The following ZAP70 variants were observed in gnomAD, a reference collection of about 807,000 sequenced individuals.
The protein encoded by ZAP70 is tyrosine-protein kinase ZAP-70.
Under a neutral mutation model 65.8 loss-of-function variants are expected in ZAP70, and 27 were observed. The observed-to-expected ratio is 0.41, with a 90% CI of 0.30 to 0.57. The LOEUF is 0.57. ZAP70 is among the 20% of genes least tolerant of loss of function. The pLI is 0.28. For synonymous variants in ZAP70, 363 were observed against 360.8 expected, an observed-to-expected ratio of 1.01 and a Z score of -0.07; for missense variants, 696 against 870.5, an observed-to-expected ratio of 0.80 and a Z score of 2.52.
chr2:97,738,200 C>A, intron 13 of ZAP70, 93 bp downstream of exon 13: 2 of 1,259,698 alleles, frequency 1.6e-6, no homozygotes, highest in South Asian at 1.3e-5. Context: ...TACCCAATGT[C>A]ATCTCACCCA....
chr2:97,742,846 AT>A (rs1678163708), downstream of ZAP70, among the ~76,000 whole-genome samples: 1 of 152,214 alleles, frequency 6.6e-6, no homozygotes, highest in African/African-American at 2.4e-5. Flanking sequence ...CATGCCCACT[AT>A]CCCAAGGCCA....
At chr2:97,739,297 A>T (rs1678044553) in intron 13 of ZAP70, 78 bp from the exon 14 acceptor site, 2 of 1,591,010 alleles carry the variant, frequency 1.3e-6, no homozygotes, top group East Asian at 4.5e-5. Context: ...TCAGCCAAGC[A>T]CAGTGCATGC....
At chr2:97,734,804 T>C (rs1677783040) in intron 9 of ZAP70, 92 bp downstream of exon 9, 2 of 1,526,792 alleles carry the variant, frequency 1.3e-6, no homozygotes, top group South Asian at 1.1e-5. Flanking sequence ...GGGATGTCTG[T>C]CTCACAGCAG....
intron 1 of ZAP70, 112 bp from the exon 2 acceptor site, chr2:97,713,804 C>T (rs1426016738): frequency 6.6e-6 from 1 of 152,170 alleles, no homozygotes; most frequent in African/African-American, 2.4e-5. Context: ...GTGTGACATC[C>T]TCCCCCGGGG....
intron 3 of ZAP70, chr2:97,724,684 G>A (rs1000618778): frequency 1.1e-5 from 17 of 1,524,064 alleles, no homozygotes; most frequent in Non-Finnish European, 1.4e-5. Context: ...CAGATGGGAA[G>A]GTAGAGGGAC....
chr2:97,738,035 G>T lies in ZAP70; in HGVS notation c.1664G>T (p.Gly555Val). 1 of 1,613,026 alleles carries T rather than the reference G, an allele frequency of 6.2e-7. No individual in the cohort carries two copies. The highest frequency in any genetic ancestry group is 8.5e-7 in the Non-Finnish European group (1 of 1,179,426). ...GAGGTCATGGCCTTCATCGAGCAGG[G>T]CAAGCGGATGGAGTGCCCACCAGAG... ...GPEVMAFIEQ[G>V]KRMECPPECP... is the part of the protein sequence containing the mutation. The change falls in exon 13 of 14, where the codon GGC becomes GTC. Residue 555 changes from glycine to valine, a missense_variant. By Grantham distance (109) the Gly-to-Val change is moderately radical. Around this residue, in one of 3 missense-constraint regions of ZAP70, gnomAD observed 78 missense variants for 88.6 expected, o/e 0.88. Coordinates refer to ENST00000264972, the MANE Select transcript of ZAP70 (RefSeq NM_001079.4).
the ZAP70 span, among the ~76,000 whole-genome samples, chr2:97,753,916 A>G: frequency 6.6e-6 from 1 of 152,152 alleles, no homozygotes; most frequent in Non-Finnish European, 1.5e-5. Context: ...TTGGGCCTGG[A>G]AGTTCAGGGC....
chr2:97,748,349 T>G, the ZAP70 span, among the ~76,000 whole-genome samples: 1 of 152,240 alleles, frequency 6.6e-6, no homozygotes, highest in East Asian at 1.9e-4. Flanking sequence ...AAGCAGGTTT[T>G]CTTTGATCAA....
At chr2:97,726,995 C>T (rs934363777) in intron 4 of ZAP70, among the ~76,000 whole-genome samples, 6 of 152,202 alleles carry the variant, frequency 3.9e-5, no homozygotes, top group African/African-American at 1.4e-4. Flanking sequence ...GGGATGGCCA[C>T]ACTCACATGA....
intron 4 of ZAP70, among the ~76,000 whole-genome samples, chr2:97,730,437 T>C (rs1573273741): frequency 6.6e-6 from 1 of 152,166 alleles, no homozygotes; most frequent in Non-Finnish European, 1.5e-5. Context: ...TGGCCACTCA[T>C]GTAGGGTGCC....
Position 97,731,883 on chromosome 2 carries a change from GCCTCCACAGCTTCCACGGGGCCAGCTGC to G in ZAP70, c.564-994_564-967del, listed in dbSNP as rs1677624207. 6.6e-6 allele frequency among the ~76,000 whole-genome samples: 1 copy of G among 152,066 alleles called. No homozygotes were observed. Among genetic ancestry groups the G allele is most frequent in the Non-Finnish European group, 1.5e-5 (1 of 68,010 alleles). On this transcript the variant is annotated intron_variant, in intron 4 of 13. Transcript: ENST00000264972. This position sits in a 1 kb window ranked among gnomAD's most constrained non-coding sequence, Gnocchi z 4.0. ...TGAGATCAGGAGTCGGCTGCTTCCGGCCTCCACAGCTTCCACGGGGCCAGCTGCCCTCCCTCCTCACTGTAAAGCTACA... is the reference window on the plus strand; with the variant it reads ...TGAGATCAGGAGTCGGCTGCTTCCGGCCTCCCTCCTCACTGTAAAGCTACA...
At chr2:97,729,465 A>G (rs1677515206) in intron 4 of ZAP70, among the ~76,000 whole-genome samples, 1 of 152,222 alleles carries the variant, frequency 6.6e-6, no homozygotes, top group Admixed American at 6.5e-5. Flanking sequence ...CAAAATGGAG[A>G]TAACAATAGT....
Position 97,735,345 on chromosome 2 carries a change from TG to T in ZAP70, c.1180del (p.Asp394ThrfsTer42), listed in dbSNP as rs756469971. ...MMREAQIMHQLDNPYIVRLIG... is the reference protein window; with the variant it reads ...MMREAQIMHQXDNPYIVRLIG... Reference sequence around the variant, plus strand: ...CGCGAGGCGCAGATCATGCACCAGCTGGACAACCCCTACATCGTGCGGCTCA... The same window carrying T: ...CGCGAGGCGCAGATCATGCACCAGCTGACAACCCCTACATCGTGCGGCTCA... On this transcript the variant is annotated frameshift_variant, in exon 10 of 14. Coordinates refer to ENST00000264972, the MANE Select transcript of ZAP70 (RefSeq NM_001079.4). LOFTEE classifies it high-confidence loss of function. 6.2e-7 allele frequency: 1 copy of T among 1,614,154 alleles called. No individual in the cohort carries two copies. Among genetic ancestry groups the T allele is most frequent in the Non-Finnish European group, 8.5e-7 (1 of 1,179,990 alleles).
chr2:97,719,938 C>A (rs567311620), intron 2 of ZAP70, among the ~76,000 whole-genome samples: 1 of 152,136 alleles, frequency 6.6e-6, no homozygotes, highest in African/African-American at 2.4e-5. Context: ...TCACACAATT[C>A]GTAGCCCTTG....
At chr2:97,740,318 C>T (rs1678095404), downstream of ZAP70, among the ~76,000 whole-genome samples, 1 of 152,136 alleles carries the variant, frequency 6.6e-6, no homozygotes, top group Non-Finnish European at 1.5e-5. Context: ...CTGAAAAATA[C>T]CAAAATGCAA....
At chr2:97,741,313 C>A (rs1214646738), downstream of ZAP70, among the ~76,000 whole-genome samples, 1 of 152,246 alleles carries the variant, frequency 6.6e-6, no homozygotes, top group Non-Finnish European at 1.5e-5. Flanking sequence ...CCCCTTCACC[C>A]TCCTCCAGGG....
the ZAP70 span, among the ~76,000 whole-genome samples, chr2:97,749,750 T>C: frequency 2.6e-5 from 4 of 152,178 alleles, no homozygotes; most frequent in African/African-American, 9.7e-5. Context: ...ACCTTGTCCC[T>C]GGACATGCTG....
Position 97,735,061 on chromosome 2 carries a change from C to T in ZAP70, c.1083-189C>T, listed in dbSNP as rs150804050. On this transcript the variant is annotated intron_variant, in intron 9 of 13. Coordinates refer to ENST00000264972, the MANE Select transcript of ZAP70 (RefSeq NM_001079.4). ...GATGGGCTGTTCCCGGTGAGCGATC[C>T]GGCTGTGAGCCGTCCTCAGCAGACG... 655 of 720,340 alleles carry T rather than the reference C, an allele frequency of 9.1e-4. 6 individuals carry two copies. The African/African-American group carries it at 0.01, about 11-fold the overall frequency. The allele number at this position is 720,340 out of a possible 1,614,324, so 44.6% of individuals were successfully genotyped here.
chr2:97,726,068 C>T (rs1677377808), intron 4 of ZAP70, among the ~76,000 whole-genome samples: 1 of 152,124 alleles, frequency 6.6e-6, no homozygotes, highest in Non-Finnish European at 1.5e-5. Context: ...TACCTCCCCT[C>T]AGGATCCTCT....
Sources: allele counts gnomAD v4.1 joint callset (sites outside exome capture counted in the v4.1 genomes callset), GRCh38; gene constraint gnomAD v4.1.1; regional missense constraint gnomAD v4.1.1; non-coding constraint Gnocchi (gnomAD v3.1); transcripts MANE v1.5; gene names NCBI Gene and HGNC (gene_info 2026-07-23, HGNC 2026-07-21).